Variants in RBFOX1 observed in about 807,000 individuals in gnomAD.
RBFOX1 encodes the protein RNA binding fox-1 homolog 1.
In RBFOX1, 8 loss-of-function variants were observed where a neutral mutation model predicts 57.7. The ratio of observed to expected loss-of-function variants is 0.14; its 90% CI spans 0.08 to 0.25. The LOEUF (loss-of-function observed/expected upper bound fraction) is 0.25, where lower values mean the gene tolerates loss of function less well. RBFOX1 is among the 10% of genes least tolerant of loss of function. RBFOX1 has a pLI of 1.00. For synonymous variants in RBFOX1, 326 were observed against 222.4 expected (o/e 1.47, Z -4.15); for missense variants, 611 against 548.5 (o/e 1.11, Z -1.14).
intron 4 of RBFOX1, among the ~76,000 whole-genome samples, chr16:7,269,350 C>T (rs11648918): frequency 1.4e-3 from 219 of 152,138 alleles, no homozygotes; most frequent in Non-Finnish European, 2.3e-3. Context: ...GAAACACATA[C>T]AAAAGCAAAA....
At chr16:7,522,904 C>T (rs907071424) in intron 5 of RBFOX1, among the ~76,000 whole-genome samples, 1 of 152,104 alleles carries the variant, frequency 6.6e-6, no homozygotes, top group African/African-American at 2.4e-5. Flanking sequence ...TACAAATGTA[C>T]CTGCATGCAC....
intron 1 of RBFOX1, among the ~76,000 whole-genome samples, chr16:5,334,740 T>C (rs1199776432): frequency 6.6e-6 from 1 of 151,768 alleles, no homozygotes; most frequent in East Asian, 2.0e-4. Context: ...TAATGTACCA[T>C]GGGCAATGTG....
intron 2 of RBFOX1, among the ~76,000 whole-genome samples, chr16:6,610,444 C>T (rs1289050332): frequency 6.6e-6 from 1 of 152,110 alleles, no homozygotes; most frequent in Non-Finnish European, 1.5e-5. Flanking sequence ...CCTCCCACTT[C>T]AGCCTCCAGA....
intron 1 of RBFOX1, among the ~76,000 whole-genome samples, chr16:6,022,229 A>T (rs546590413): frequency 6.7e-6 from 1 of 148,272 alleles, no homozygotes. Flanking sequence ...GCCCCCTGGG[A>T]TGAAAGTATT....
chr16:5,329,418 C>G (rs1474052409), intron 1 of RBFOX1, among the ~76,000 whole-genome samples: 2 of 152,108 alleles, frequency 1.3e-5, no homozygotes, highest in Non-Finnish European at 2.9e-5. Flanking sequence ...CTCACAATAA[C>G]TCACTCCGTA....
chr16:6,636,047 A>G (rs1173316736), intron 2 of RBFOX1, among the ~76,000 whole-genome samples: 1 of 152,182 alleles, frequency 6.6e-6, no homozygotes, highest in Non-Finnish European at 1.5e-5. Context: ...TTTATGCTTG[A>G]AACAGTTTTG....
chr16:5,867,420 A>G, intron 4 of RBFOX1: 2 of 884,498 alleles, frequency 2.3e-6, no homozygotes, highest in Non-Finnish European at 3.0e-6. Flanking sequence ...CATTCTAGCA[A>G]TGATTCTTCC....
intron 3 of RBFOX1, among the ~76,000 whole-genome samples, chr16:6,722,997 C>T (rs767836303): frequency 6.6e-6 from 1 of 152,138 alleles, no homozygotes; most frequent in Non-Finnish European, 1.5e-5. Context: ...TTATCAGTCA[C>T]CTCCTAAGTA....
chr16:7,179,479 CTG>C (rs1020633010), intron 4 of RBFOX1, among the ~76,000 whole-genome samples: 8 of 152,140 alleles, frequency 5.3e-5, no homozygotes, highest in Non-Finnish European at 7.3e-5. Flanking sequence ...TCACCAAAAT[CTG>C]TGAGAGGATT....
chr16:5,764,797 A>AT (rs34048578), intron 3 of RBFOX1, among the ~76,000 whole-genome samples: 67,281 of 151,784 alleles, frequency 0.44, 15,269 homozygotes, highest in East Asian at 0.61. Flanking sequence ...AACCATCATC[A>AT]TTTTTTTTAT....
At chr16:7,491,778 A>T (rs1454934958) in intron 4 of RBFOX1, among the ~76,000 whole-genome samples, 1 of 152,140 alleles carries the variant, frequency 6.6e-6, no homozygotes, top group Non-Finnish European at 1.5e-5. Context: ...CCGCAGGCAC[A>T]TGCCACCATG....
At chr16:6,830,718 G>A (rs561844635) in intron 3 of RBFOX1, among the ~76,000 whole-genome samples, 1 of 152,286 alleles carries the variant, frequency 6.6e-6, no homozygotes, top group Non-Finnish European at 1.5e-5. Flanking sequence ...CTCTATCATG[G>A]TTAAAATATG....
chr16:6,951,715 A>G lies in RBFOX1; in HGVS notation c.-15-100342A>G, dbSNP rs62017756. Among the ~76,000 whole-genome samples, 157 of 152,008 alleles carry G rather than the reference A, an allele frequency of 1.0e-3. 1 individual carries two copies. Among genetic ancestry groups the G allele is most frequent in the Admixed American group, 9.2e-4 (14 of 15,272 alleles). ...CAAATGTCCACCCAGATTCAAGGAGAGACTCCACACTTCTCTCTTTTTTCT... is the reference window on the plus strand; with the variant it reads ...CAAATGTCCACCCAGATTCAAGGAGGGACTCCACACTTCTCTCTTTTTTCT... On this transcript the variant is annotated intron_variant, in intron 3 of 15. Coordinates refer to ENST00000550418, the MANE Select transcript of RBFOX1 (RefSeq NM_018723.4).
At chr16:7,003,440 C>T (rs1460387322) in intron 3 of RBFOX1, among the ~76,000 whole-genome samples, 1 of 145,872 alleles carries the variant, frequency 6.9e-6, no homozygotes, top group Non-Finnish European at 1.5e-5. Context: ...AGCCTGGTGA[C>T]AGAGCGAGAC....
chr16:5,855,138 A>G (rs1248687227), intron 3 of RBFOX1, among the ~76,000 whole-genome samples: 1 of 152,016 alleles, frequency 6.6e-6, no homozygotes, highest in Non-Finnish European at 1.5e-5. Flanking sequence ...CCCTTATTAG[A>G]TATATAGTTT....
At chr16:7,240,734 T>C (rs969186794) in intron 4 of RBFOX1, among the ~76,000 whole-genome samples, 2 of 151,970 alleles carry the variant, frequency 1.3e-5, no homozygotes, top group South Asian at 4.1e-4. Flanking sequence ...TTTGTAGTTT[T>C]GTTTGTTTGT....
intron 4 of RBFOX1, among the ~76,000 whole-genome samples, chr16:7,410,538 G>C (rs1597733225): frequency 2.0e-5 from 3 of 152,282 alleles, no homozygotes; most frequent in Admixed American, 6.5e-5. Flanking sequence ...AAAATTAGCT[G>C]GGAGTGGTGG....
intron 2 of RBFOX1, among the ~76,000 whole-genome samples, chr16:6,397,388 G>T (rs1259194049): frequency 6.6e-6 from 1 of 152,110 alleles, no homozygotes; most frequent in African/African-American, 2.4e-5. Context: ...ACAATATAAT[G>T]ACGTCTTTTA....
At chr16:7,654,850 A>G (rs77365627) in intron 12 of RBFOX1, among the ~76,000 whole-genome samples, 9,984 of 152,206 alleles carry the variant, frequency 0.066, 587 homozygotes, top group African/African-American at 0.15. Context: ...TATGTCCTCT[A>G]TTGGGTAGAG....
Sources: gnomAD v4.1 joint callset for allele counts (sites outside exome capture counted in the v4.1 genomes callset) on GRCh38, gnomAD v4.1.1 for gene constraint, MANE v1.5 for transcripts, NCBI Gene and HGNC (gene_info 2026-07-23, HGNC 2026-07-21) for gene names.